The following HCN1 variants were observed in gnomAD, a reference collection of about 807,000 sequenced individuals.
The protein encoded by HCN1 is hyperpolarization activated cyclic nucleotide gated potassium channel 1.
Under a neutral mutation model 78.9 loss-of-function variants are expected in HCN1, and 13 were observed. The observed-to-expected ratio is 0.16, with a 90% CI of 0.11 to 0.26. The LOEUF is 0.26. Ranked by LOEUF, HCN1 falls within the 10% of genes least tolerant of loss-of-function variation. The pLI is 1.00. For missense variants in HCN1, 810 were observed against 1,154.3 expected (o/e 0.70, Z 4.32); for synonymous variants, 552 against 455.5 (o/e 1.21, Z -2.70).
At chr5:45,405,536 T>C (rs1346140552) in intron 3 of HCN1, among the ~76,000 whole-genome samples, 1 of 152,042 alleles carries the variant, frequency 6.6e-6, no homozygotes, top group Non-Finnish European at 1.5e-5. Flanking sequence ...ACCTCCTGAG[T>C]AGCTAGGACT....
chr5:45,286,768 T>C (rs1561089149), intron 6 of HCN1, among the ~76,000 whole-genome samples: 1 of 152,058 alleles, frequency 6.6e-6, no homozygotes, highest in Non-Finnish European at 1.5e-5. Flanking sequence ...TTGTAACATA[T>C]GGTATGAGGT....
intron 6 of HCN1, among the ~76,000 whole-genome samples, chr5:45,286,741 T>C (rs529655599): frequency 2.0e-5 from 3 of 152,032 alleles, no homozygotes; most frequent in Non-Finnish European, 2.9e-5. Context: ...TAAGATGTTG[T>C]TGTTGATGTG....
chr5:45,671,361 G>A (rs1467104930), intron 1 of HCN1, among the ~76,000 whole-genome samples: 1 of 151,154 alleles, frequency 6.6e-6, no homozygotes, highest in Non-Finnish European at 1.5e-5. Context: ...TGTTCAGTAT[G>A]CATTAGATTA....
chr5:45,340,272 C>G (rs774608509), intron 5 of HCN1, among the ~76,000 whole-genome samples: 2 of 152,146 alleles, frequency 1.3e-5, no homozygotes, highest in Non-Finnish European at 2.9e-5. Context: ...TTGTTATCTT[C>G]ATTATATATT....
intron 6 of HCN1, among the ~76,000 whole-genome samples, chr5:45,296,338 T>G (rs928473261): frequency 6.6e-6 from 1 of 151,456 alleles, no homozygotes; most frequent in Non-Finnish European, 1.5e-5. Flanking sequence ...GAAAGACAGA[T>G]AGAAAATCCC....
In HCN1 at chr5:45,256,540, T is replaced by A. The variant is rs1744618503; in HGVS notation, c.*5381A>T. On this transcript the variant is annotated 3_prime_UTR_variant, in exon 8 of 8. Transcript: ENST00000303230. Reference sequence around the variant, plus strand: ...GGCTTCACTTTTTTGTTTGTTTGGGTTTTTCTTGAGAAAGGGTTTTGCTCT... The same window carrying A: ...GGCTTCACTTTTTTGTTTGTTTGGGATTTTCTTGAGAAAGGGTTTTGCTCT... 6.6e-6 allele frequency: 1 copy of A among 152,002 alleles called. No individual in the cohort carries two copies. The highest frequency in any genetic ancestry group is 2.4e-5 in the African/African-American group (1 of 41,336). The allele number at this position is 152,002 out of a possible 1,614,324, so 9.4% of individuals were successfully genotyped here.
chr5:45,399,263 A>G (rs2112043197), intron 3 of HCN1, among the ~76,000 whole-genome samples: 1 of 152,300 alleles, frequency 6.6e-6, no homozygotes, highest in Admixed American at 6.5e-5. Context: ...TGAGTGATGC[A>G]TATGCTGCCT....
chr5:45,524,372 A>T (rs1742684407), intron 2 of HCN1, among the ~76,000 whole-genome samples: 1 of 152,066 alleles, frequency 6.6e-6, no homozygotes, highest in African/African-American at 2.4e-5. Flanking sequence ...ATGAACTTTA[A>T]AGTAGTTTTT....
intron 4 of HCN1, among the ~76,000 whole-genome samples, chr5:45,373,973 A>G (rs924904941): frequency 2.7e-4 from 24 of 89,424 alleles, no homozygotes; most frequent in South Asian, 2.2e-3. Flanking sequence ...TATTACATAC[A>G]GTAGATACAT....
intron 1 of HCN1, among the ~76,000 whole-genome samples, chr5:45,667,451 C>G (rs1275857263): frequency 1.3e-5 from 2 of 151,982 alleles, no homozygotes; most frequent in African/African-American, 4.8e-5. Flanking sequence ...CAACCCCCAT[C>G]ACACTGAAAA....
At chr5:45,582,981 CTT>C (rs58015637) in intron 2 of HCN1, among the ~76,000 whole-genome samples, 17,737 of 148,746 alleles carry the variant, frequency 0.12, 1,653 homozygotes, top group African/African-American at 0.26. Context: ...CTAAAATTCT[CTT>C]TTTTTTTTTT....
chr5:45,460,636 A>G (rs541118199), intron 3 of HCN1, among the ~76,000 whole-genome samples: 1 of 152,196 alleles, frequency 6.6e-6, no homozygotes, highest in East Asian at 1.9e-4. Context: ...TATTAATGAA[A>G]TGAAGCGAGA....
At chr5:45,580,675 C>T (rs948279506) in intron 2 of HCN1, among the ~76,000 whole-genome samples, 13 of 152,004 alleles carry the variant, frequency 8.6e-5, no homozygotes, top group Admixed American at 6.6e-5. Context: ...TCTCATAATG[C>T]TATTTCTCTC....
At chr5:45,678,453 T>C (rs905195737) in intron 1 of HCN1, among the ~76,000 whole-genome samples, 1 of 151,950 alleles carries the variant, frequency 6.6e-6, no homozygotes, top group Non-Finnish European at 1.5e-5. Context: ...ATAACATTTA[T>C]ATAGTGGTAG....
At chr5:45,570,400 G>C (rs1743801711) in intron 2 of HCN1, among the ~76,000 whole-genome samples, 1 of 151,856 alleles carries the variant, frequency 6.6e-6, no homozygotes, top group African/African-American at 2.4e-5. Context: ...ATGTTTATTA[G>C]GCAGGCCAAT....
At chr5:45,517,845 C>T (rs1016578656) in intron 2 of HCN1, among the ~76,000 whole-genome samples, 1 of 151,942 alleles carries the variant, frequency 6.6e-6, no homozygotes, top group Non-Finnish European at 1.5e-5. Context: ...ATGATGTTGT[C>T]CCCATACCAG....
intron 2 of HCN1, among the ~76,000 whole-genome samples, chr5:45,497,372 G>C (rs1375545140): frequency 2.0e-5 from 3 of 152,184 alleles, no homozygotes; most frequent in African/African-American, 7.2e-5. Flanking sequence ...CTTGCTTTAT[G>C]AATCTGGGTG....
At chr5:45,333,711 C>A (rs1211554772) in intron 5 of HCN1, among the ~76,000 whole-genome samples, 1 of 151,728 alleles carries the variant, frequency 6.6e-6, no homozygotes, top group East Asian at 1.9e-4. Flanking sequence ...TATGGATACC[C>A]AGTTTTTCCA....
At chr5:45,342,238 C>CTTT (rs553095512) in intron 5 of HCN1, among the ~76,000 whole-genome samples, 1 of 141,408 alleles carries the variant, frequency 7.1e-6, no homozygotes, top group African/African-American at 2.6e-5. Flanking sequence ...TATTTCTTTC[C>CTTT]TTTTTTTTTT....
Sources: gnomAD v4.1 joint callset for allele counts (sites outside exome capture counted in the v4.1 genomes callset) on GRCh38, gnomAD v4.1.1 for gene constraint, MANE v1.5 for transcripts, NCBI Gene and HGNC (gene_info 2026-07-23, HGNC 2026-07-21) for gene names.